NLGN4X: variants seen among roughly 807,000 people sequenced by gnomAD.
NLGN4X encodes neuroligin 4 X-linked.
In NLGN4X, 3 loss-of-function variants were observed where a neutral mutation model predicts 40.3. The observed-to-expected ratio is 0.07, with a 90% CI of 0.03 to 0.19. The LOEUF is 0.19. Among genes scored for constraint, NLGN4X ranks in the 10% least tolerant of loss-of-function variants. The pLI, the probability that NLGN4X is intolerant of heterozygous loss-of-function variation, is 1.00. For missense variants in NLGN4X, 382 were observed against 708.3 expected, an observed-to-expected ratio of 0.54 and a Z score of 5.23; for synonymous variants, 270 against 306.8, an observed-to-expected ratio of 0.88 and a Z score of 1.25.
intron 1 of NLGN4X, among the ~76,000 whole-genome samples, chrX:6,174,159 C>G (rs771963827): frequency 8.9e-6 from 1 of 111,850 alleles, no homozygotes; most frequent in African/African-American, 3.2e-5. Flanking sequence ...CAATAAACAT[C>G]TGAAAAATGC....
intron 3 of NLGN4X, among the ~76,000 whole-genome samples, chrX:5,974,570 G>A (rs2035121045): frequency 8.9e-6 from 1 of 111,812 alleles, no homozygotes; most frequent in East Asian, 2.8e-4. Context: ...AAGATTAAGT[G>A]GAGGGCATGC....
At chrX:6,027,172 A>C (rs762089062) in intron 3 of NLGN4X, among the ~76,000 whole-genome samples, 1 of 112,194 alleles carries the variant, frequency 8.9e-6, no homozygotes, top group African/African-American at 3.2e-5. Flanking sequence ...GGGCCTGTGC[A>C]ATGCCCTCAC....
intron 2 of NLGN4X, among the ~76,000 whole-genome samples, chrX:6,088,270 C>T (rs1332232377): frequency 8.9e-6 from 1 of 112,359 alleles, no homozygotes; most frequent in African/African-American, 3.2e-5. Flanking sequence ...ATGCGAAGCT[C>T]TTCATTGTCT....
intron 3 of NLGN4X, among the ~76,000 whole-genome samples, chrX:5,972,157 G>T (rs6654805): frequency 9.1e-6 from 1 of 109,921 alleles, no homozygotes; most frequent in Admixed American, 9.6e-5. Flanking sequence ...ATGTATATGT[G>T]TGTGTGCATG....
In NLGN4X at chrX:5,890,597, G is replaced by T; in HGVS notation, c.*2220C>A. 1 of 328,038 alleles carries T rather than the reference G, an allele frequency of 3.0e-6. No individual in the cohort carries two copies. Among genetic ancestry groups the T allele is most frequent in the Admixed American group, 3.1e-5 (1 of 32,075 alleles). 27.0% of individuals were successfully genotyped at this position (328,038 alleles called of 1,213,427 possible). ...GTAGTTTCACAGAGAGCCTATTTGT[G>T]GTTGCTCAGGTGGGGTCATACATTG... is the stretch of plus-strand genomic sequence containing the variant. On this transcript the variant is annotated 3_prime_UTR_variant, in exon 6 of 6. Transcript: ENST00000381095.
At chrX:6,218,200 A>G (rs1925263121) in intron 1 of NLGN4X, among the ~76,000 whole-genome samples, 1 of 111,492 alleles carries the variant, frequency 9.0e-6, no homozygotes, top group Admixed American at 9.6e-5. Context: ...TAAGACAAGC[A>G]GCCTTCTCCC....
At chrX:6,154,336 ATG>A (rs967687734) in intron 1 of NLGN4X, among the ~76,000 whole-genome samples, 6 of 111,662 alleles carry the variant, frequency 5.4e-5, no homozygotes, top group African/African-American at 1.9e-4. Context: ...GCTGTCGTGT[ATG>A]TGTGTGTGTG....
rs184251692 is a variant in NLGN4X, at chrX:5,906,953, G to A, written c.811+2101C>T. Among the ~76,000 whole-genome samples the A allele has an allele frequency of 7.2e-5, 8 of 110,930 alleles. No homozygotes were observed. The East Asian group carries it at 1.1e-3, about 16-fold the overall frequency. On this transcript the variant is annotated intron_variant, in intron 4 of 5. Coordinates refer to ENST00000381095, the MANE Select transcript of NLGN4X (RefSeq NM_181332.3). ...AAATTAGCCGGGCACAGTGGTGGGCGCCTGTAATCCCAGCAACTCGGGAGG... is the reference window on the plus strand; with the variant it reads ...AAATTAGCCGGGCACAGTGGTGGGCACCTGTAATCCCAGCAACTCGGGAGG...
Position 6,118,466 on chromosome X carries a change from G to A in NLGN4X, c.472+32529C>T, listed in dbSNP as rs964786139. Among the ~76,000 whole-genome samples, 8 of 111,655 alleles carry A rather than the reference G, an allele frequency of 7.2e-5. No individual in the cohort carries two copies. In the South Asian group the frequency reaches 1.5e-3, roughly 21 times the overall value. Reference sequence around the variant, plus strand: ...AATTCTTCCAGTTACGGCGGCCAAAGGAATTGGGGTTGGCCATAAGTTGTC... The same window carrying A: ...AATTCTTCCAGTTACGGCGGCCAAAAGAATTGGGGTTGGCCATAAGTTGTC... On this transcript the variant is annotated intron_variant, in intron 2 of 5. Transcript: ENST00000381095.
chrX:5,992,160 GAC>G (rs1359728922), intron 3 of NLGN4X, among the ~76,000 whole-genome samples: 1 of 111,994 alleles, frequency 8.9e-6, no homozygotes, highest in African/African-American at 3.2e-5. Flanking sequence ...GAGGAATAAA[GAC>G]AGAAACAAAC....
chrX:6,029,341 G>A lies in NLGN4X; in HGVS notation c.564C>T (p.Ser188=). Reference sequence around the variant, plus strand: ...TGACGTTTCCGTAGCTTGCCAAAATGCTGCCGTCAATCATGTTGCCGGTGC... The same window carrying A: ...TGACGTTTCCGTAGCTTGCCAAAATACTGCCGTCAATCATGTTGCCGGTGC... ...MEGTGNMIDG[S]ILASYGNVIV... Residue 188 remains serine (S), a synonymous_variant, in exon 3 of 6, where the codon AGC becomes AGT. Coordinates refer to ENST00000381095, the MANE Select transcript of NLGN4X (RefSeq NM_181332.3). 8.3e-7 allele frequency: 1 copy of A among 1,211,027 alleles called. No individual in the cohort carries two copies. Among genetic ancestry groups the A allele is most frequent in the Non-Finnish European group, 1.1e-6 (1 of 895,080 alleles).
intron 3 of NLGN4X, among the ~76,000 whole-genome samples, chrX:5,914,998 G>A (rs1164440597): frequency 8.9e-6 from 1 of 112,821 alleles, no homozygotes; most frequent in Non-Finnish European, 1.9e-5. Context: ...TGGGCTGGAA[G>A]GGAGGGAAGC....
intron 3 of NLGN4X, among the ~76,000 whole-genome samples, chrX:5,935,100 C>T (rs2033690572): frequency 9.0e-6 from 1 of 111,235 alleles, no homozygotes; most frequent in Admixed American, 9.5e-5. Flanking sequence ...TTGTTTTGTA[C>T]AGAGATAGAA....
rs2031082310 is a variant in NLGN4X, at chrX:5,890,223, C to T, written c.*2594G>A. 1.7e-5 allele frequency: 3 copies of T among 175,668 alleles called. No homozygotes were observed. Among genetic ancestry groups the T allele is most frequent in the Non-Finnish European group, 3.1e-5 (3 of 95,845 alleles). The allele number at this position is 175,668 out of a possible 1,213,427, so 14.5% of individuals were successfully genotyped here. A position where few individuals can be genotyped will look rare whatever the true frequency, so the allele number is the denominator to read the frequency against. On this transcript the variant is annotated 3_prime_UTR_variant, in exon 6 of 6. Coordinates refer to ENST00000381095, the MANE Select transcript of NLGN4X (RefSeq NM_181332.3). ...GAAGATCAAGAGTAAAAGCCTAGGA[C>T]AGGATTTTTTTTTTTCTTACTTTTT...
intron 1 of NLGN4X, among the ~76,000 whole-genome samples, chrX:6,182,274 A>T (rs1443263684): frequency 8.9e-6 from 1 of 111,868 alleles, no homozygotes. Context: ...CATCGAGTAT[A>T]CAATGTACAA....
intron 1 of NLGN4X, among the ~76,000 whole-genome samples, chrX:6,219,406 A>G (rs769843092): frequency 2.5e-5 from 1 of 39,284 alleles, no homozygotes; most frequent in African/African-American, 1.2e-4. Context: ...TCTTTCCTTC[A>G]TTCCCTCCCT....
At chrX:6,045,689 T>C (rs1044226758) in intron 2 of NLGN4X, among the ~76,000 whole-genome samples, 2 of 111,703 alleles carry the variant, frequency 1.8e-5, no homozygotes, top group Admixed American at 1.9e-4. Flanking sequence ...ATTTAAAAAG[T>C]AGAGTACATG....
chrX:6,102,733 T>C (rs1248357608), intron 2 of NLGN4X, among the ~76,000 whole-genome samples: 1 of 110,995 alleles, frequency 9.0e-6, no homozygotes, highest in Non-Finnish European at 1.9e-5. Context: ...GATAGATCGA[T>C]ATATATATAG....
intron 3 of NLGN4X, among the ~76,000 whole-genome samples, chrX:5,960,871 T>C (rs945129285): frequency 8.9e-6 from 1 of 111,917 alleles, no homozygotes; most frequent in African/African-American, 3.2e-5. Flanking sequence ...GTGAATGTTA[T>C]ACTTCACCAC....
Sources: gnomAD v4.1 joint callset for allele counts (sites outside exome capture counted in the v4.1 genomes callset) on GRCh38, gnomAD v4.1.1 for gene constraint, MANE v1.5 for transcripts, NCBI Gene and HGNC (gene_info 2026-07-23, HGNC 2026-07-21) for gene names.